The following ANO6 variants were observed in gnomAD, a reference collection of about 807,000 sequenced individuals.
ANO6 encodes the protein anoctamin-6.
In ANO6, 106 loss-of-function variants were observed where a neutral mutation model predicts 117.5. The observed-to-expected ratio is 0.90, with a 90% confidence interval of 0.77 to 1.06. The LOEUF (loss-of-function observed/expected upper bound fraction) is 1.06. Among genes scored for constraint, ANO6 ranks in the 50% least tolerant of loss-of-function variants. The pLI is 0.00. For synonymous variants in ANO6, 367 were observed against 385.1 expected (o/e 0.95, Z 0.55); for missense variants, 955 against 1,121.1 (o/e 0.85, Z 2.12).
chr12:45,231,773 T>G (rs1592846024), intron 1 of ANO6, among the ~76,000 whole-genome samples: 1 of 152,300 alleles, frequency 6.6e-6, no homozygotes, highest in African/African-American at 2.4e-5. Flanking sequence ...CTACAAATCA[T>G]AGAGGAGACA....
chr12:45,438,054 C>A (rs947143043), intron 19 of ANO6, among the ~76,000 whole-genome samples: 2 of 152,088 alleles, frequency 1.3e-5, no homozygotes, highest in African/African-American at 4.8e-5. Context: ...TCAATGCCAA[C>A]CTCTAGTAAA....
At chr12:45,397,365 T>C (rs1002322508) in intron 12 of ANO6, among the ~76,000 whole-genome samples, 16 of 152,094 alleles carry the variant, frequency 1.1e-4, no homozygotes, top group Non-Finnish European at 1.6e-4. Context: ...TGTGGAGAAA[T>C]AGGAATGCTT....
intron 3 of ANO6, among the ~76,000 whole-genome samples, chr12:45,345,564 C>T (rs1941107795): frequency 6.6e-6 from 1 of 152,230 alleles, no homozygotes; most frequent in Admixed American, 6.5e-5. Context: ...CAGTGTAAGG[C>T]TTGCCCCAAG....
At chr12:45,232,331 GC>G (rs1347911314) in intron 1 of ANO6, among the ~76,000 whole-genome samples, 1 of 152,170 alleles carries the variant, frequency 6.6e-6, no homozygotes, top group Non-Finnish European at 1.5e-5. Flanking sequence ...GACTGAAGTG[GC>G]CCCTGTTCTC....
In ANO6 at chr12:45,216,163, G is replaced by A. The variant is rs953957928; in HGVS notation, c.-159G>A. ...CTGGGCTCCGGTCGGTGGGTGCCTCGGCTCGGCTTTCCCCGGCGCTGGCTG... is the reference window on the plus strand; with the variant it reads ...CTGGGCTCCGGTCGGTGGGTGCCTCAGCTCGGCTTTCCCCGGCGCTGGCTG... On this transcript the variant is annotated 5_prime_UTR_variant, in exon 1 of 20. Coordinates refer to ENST00000320560, the MANE Select transcript of ANO6 (RefSeq NM_001025356.3). The A allele has an allele frequency of 1.6e-5, 13 of 795,624 alleles. No homozygotes were observed. Among genetic ancestry groups the A allele is most frequent in the South Asian group, 6.8e-5 (4 of 58,954 alleles). The allele number at this position is 795,624 out of a possible 1,614,324, so 49.3% of individuals were successfully genotyped here.
intron 1 of ANO6, among the ~76,000 whole-genome samples, chr12:45,266,106 C>T (rs188143285): frequency 6.6e-6 from 1 of 152,312 alleles, no homozygotes; most frequent in Admixed American, 6.5e-5. Flanking sequence ...CTCTGAATGT[C>T]TGTAGCCTGA....
Position 45,357,339 on chromosome 12 carries a change from T to TA in ANO6, c.914dup (p.Tyr305Ter), listed in dbSNP as rs772139610. The TA allele has an allele frequency of 1.9e-6, 3 of 1,613,964 alleles. No homozygotes were observed. The African/African-American group carries it at 4.0e-5, about 22-fold the overall frequency. ...IGIYFAWLGYYTQMLLLAAVV... is the reference protein window; with the variant it reads ...IGIYFAWLGY ...AATCTACTTTGCTTGGCTGGGCTAT[T>TA]ACACTCAGATGCTTCTCCTGGCCGC... The change falls in exon 8 of 20, where the codon TAC (tyrosine) becomes TAAC (stop). Residue 305 changes from tyrosine (Y) to a stop codon, truncating the protein, a stop_gained and frameshift_variant. Coordinates refer to ENST00000320560, the MANE Select transcript of ANO6 (RefSeq NM_001025356.3). LOFTEE classifies it high-confidence loss of function.
intron 2 of ANO6, among the ~76,000 whole-genome samples, chr12:45,307,612 C>T (rs182097883): frequency 2.0e-5 from 3 of 152,102 alleles, no homozygotes; most frequent in East Asian, 1.9e-4. Flanking sequence ...GCCCAACCCC[C>T]GATGTGAGAG....
At chr12:45,245,745 G>A (rs1947815480) in intron 1 of ANO6, among the ~76,000 whole-genome samples, 1 of 151,966 alleles carries the variant, frequency 6.6e-6, no homozygotes, top group Non-Finnish European at 1.5e-5. Context: ...TACAGTGTGT[G>A]GTGCTAGTAG....
At chr12:45,271,956 A>G (rs1254779174) in intron 1 of ANO6, among the ~76,000 whole-genome samples, 1 of 152,240 alleles carries the variant, frequency 6.6e-6, no homozygotes, top group Admixed American at 6.5e-5. Context: ...ATTATTTTTA[A>G]GAGCCTTCAT....
chr12:45,232,605 A>C (rs1397100608), intron 1 of ANO6, among the ~76,000 whole-genome samples: 3 of 152,226 alleles, frequency 2.0e-5, no homozygotes, highest in Admixed American at 6.5e-5. Flanking sequence ...TGTACATTAG[A>C]TTACTGCGTA....
intron 1 of ANO6, among the ~76,000 whole-genome samples, chr12:45,231,225 C>T (rs374499124): frequency 5.3e-5 from 8 of 152,102 alleles, no homozygotes; most frequent in Admixed American, 5.2e-4. Context: ...TAATATAATA[C>T]CAGGCAAAAT....
At chr12:45,421,549 G>A (rs556034943) in intron 18 of ANO6, among the ~76,000 whole-genome samples, 1 of 152,106 alleles carries the variant, frequency 6.6e-6, no homozygotes, top group South Asian at 2.1e-4. Context: ...AAAACTTTCA[G>A]ACCAAACCAT....
chr12:45,337,981 T>C (rs1940875536), intron 3 of ANO6, among the ~76,000 whole-genome samples: 1 of 151,928 alleles, frequency 6.6e-6, no homozygotes, highest in Admixed American at 6.6e-5. Flanking sequence ...AGAATGAAAG[T>C]AATTAAAGAC....
intron 1 of ANO6, among the ~76,000 whole-genome samples, chr12:45,247,881 T>C (rs1296473760): frequency 6.6e-6 from 1 of 152,196 alleles, no homozygotes; most frequent in Non-Finnish European, 1.5e-5. Flanking sequence ...CTTCAACATA[T>C]ACATTTGGAA....
intron 9 of ANO6, among the ~76,000 whole-genome samples, chr12:45,370,919 G>T (rs992775474): frequency 2.0e-5 from 3 of 152,148 alleles, no homozygotes; most frequent in African/African-American, 7.2e-5. Flanking sequence ...CGCAGGAGAC[G>T]GGTGATTTCT....
chr12:45,253,066 C>CT (rs1937681325), intron 1 of ANO6, among the ~76,000 whole-genome samples: 1 of 152,188 alleles, frequency 6.6e-6, no homozygotes, highest in Non-Finnish European at 1.5e-5. Context: ...TTATTAAAAG[C>CT]TTACCATGTC....
At chr12:45,405,488 T>G (rs1942908429) in intron 15 of ANO6, among the ~76,000 whole-genome samples, 5 of 152,344 alleles carry the variant, frequency 3.3e-5, no homozygotes, top group African/African-American at 1.2e-4. Context: ...TTCAAATTTC[T>G]CCCCCTATGT....
intron 1 of ANO6, among the ~76,000 whole-genome samples, chr12:45,265,114 C>G (rs1938171510): frequency 6.6e-6 from 1 of 152,024 alleles, no homozygotes; most frequent in African/African-American, 2.4e-5. Context: ...AATGGTTTTC[C>G]TGGATTTATA....
Sources: gnomAD v4.1 joint callset for allele counts (sites outside exome capture counted in the v4.1 genomes callset) on GRCh38, gnomAD v4.1.1 for gene constraint, MANE v1.5 for transcripts, NCBI Gene and HGNC (gene_info 2026-07-23, HGNC 2026-07-21) for gene names.